Variants in EYA2 observed in about 807,000 individuals in gnomAD.
The protein encoded by EYA2 is EYA transcriptional coactivator and phosphatase 2, also known as protein phosphatase EYA2.
Under a neutral mutation model 69.2 loss-of-function variants are expected in EYA2, and 31 were observed. That is an observed-to-expected ratio of 0.45 (90% confidence interval 0.34 to 0.60). The LOEUF (loss-of-function observed/expected upper bound fraction) is 0.60. EYA2 is among the 20% of genes least tolerant of loss of function. EYA2 has a pLI of 0.02. For missense variants in EYA2, 622 were observed against 701.2 expected (o/e 0.89, Z 1.28); for synonymous variants, 257 against 279.4 (o/e 0.92, Z 0.80).
chr20:47,106,898 G>T (rs4809624), intron 9 of EYA2, among the ~76,000 whole-genome samples: 1 of 151,806 alleles, frequency 6.6e-6, no homozygotes, highest in Admixed American at 6.6e-5. Context: ...CTCACATCTC[G>T]CCCATGTTCT....
At chr20:46,999,857 A>G (rs528621114) in intron 2 of EYA2, among the ~76,000 whole-genome samples, 1 of 152,150 alleles carries the variant, frequency 6.6e-6, no homozygotes, top group Non-Finnish European at 1.5e-5. Context: ...CATCTGTACA[A>G]CGGGGTTAAT....
chr20:46,914,111 G>A (rs563219469), intron 1 of EYA2, among the ~76,000 whole-genome samples: 15 of 151,730 alleles, frequency 9.9e-5, no homozygotes, highest in African/African-American at 2.9e-4. Flanking sequence ...CCTAGGAGCC[G>A]AGACCTCTCC....
intron 5 of EYA2, among the ~76,000 whole-genome samples, chr20:47,069,374 A>G (rs1250399291): frequency 6.6e-6 from 1 of 152,180 alleles, no homozygotes; most frequent in Non-Finnish European, 1.5e-5. Flanking sequence ...GGGCACCTGT[A>G]ATCCCTTGGG....
At chr20:46,956,404 A>G (rs183760518) in intron 1 of EYA2, among the ~76,000 whole-genome samples, 2 of 152,336 alleles carry the variant, frequency 1.3e-5, no homozygotes, top group African/African-American at 2.4e-5. Context: ...GTCACAATGG[A>G]TCTCTCACCT....
chr20:46,926,645 A>G (rs1195806086), intron 1 of EYA2, among the ~76,000 whole-genome samples: 1 of 152,212 alleles, frequency 6.6e-6, no homozygotes, highest in Non-Finnish European at 1.5e-5. Context: ...CCTAGAAATA[A>G]TGTTTCATCT....
At chr20:47,062,005 T>A (rs1246859465) in intron 5 of EYA2, among the ~76,000 whole-genome samples, 3 of 152,190 alleles carry the variant, frequency 2.0e-5, no homozygotes. Flanking sequence ...ATGCCCCAGC[T>A]TGGGCTCCAT....
chr20:46,913,836 C>A (rs1372061020), intron 1 of EYA2, among the ~76,000 whole-genome samples: 1 of 152,098 alleles, frequency 6.6e-6, no homozygotes. Context: ...ATGGGAGCAC[C>A]TCGTGTGGAC....
At chr20:46,924,669 C>CAAAAAAAAAAAAAAAAAAAAAAA (rs10568771) in intron 1 of EYA2, among the ~76,000 whole-genome samples, 1 of 88,364 alleles carries the variant, frequency 1.1e-5, no homozygotes, top group Non-Finnish European at 2.1e-5. Flanking sequence ...GACTCCATCT[C>CAAAAAAAAAAAAAAAAAAAAAAA]AAAAAAAAAA....
At chr20:47,109,988 C>T (rs553698782) in intron 9 of EYA2, among the ~76,000 whole-genome samples, 6 of 152,306 alleles carry the variant, frequency 3.9e-5, no homozygotes, top group African/African-American at 1.4e-4. Context: ...ATGGCACTCT[C>T]TTCAGGGAGG....
intron 1 of EYA2, among the ~76,000 whole-genome samples, chr20:46,921,137 G>A (rs1440219710): frequency 6.6e-6 from 1 of 152,216 alleles, no homozygotes; most frequent in East Asian, 1.9e-4. Flanking sequence ...CTGGCTCTTA[G>A]TAGGGGCGCC....
chr20:47,004,736 C>T (rs1161694272), intron 3 of EYA2: 1 of 672,800 alleles, frequency 1.5e-6, no homozygotes, highest in Non-Finnish European at 2.5e-6. Context: ...AGTCACACGG[C>T]TGAATCTGAC....
intron 5 of EYA2, among the ~76,000 whole-genome samples, chr20:47,018,498 C>T (rs1297901317): frequency 1.3e-5 from 2 of 152,160 alleles, no homozygotes; most frequent in Non-Finnish European, 2.9e-5. Flanking sequence ...CATGCTGGAC[C>T]GTGAGCAGTG....
intron 1 of EYA2, among the ~76,000 whole-genome samples, chr20:46,944,170 T>C (rs1392010784): frequency 1.3e-5 from 2 of 152,266 alleles, no homozygotes; most frequent in East Asian, 3.9e-4. Flanking sequence ...GCCTGGCTGC[T>C]CCCAGGAAAG....
intron 11 of EYA2, among the ~76,000 whole-genome samples, 180 bp from the exon 12 acceptor site, chr20:47,172,527 G>A (rs2034341799): frequency 1.3e-5 from 2 of 152,212 alleles, no homozygotes; most frequent in Non-Finnish European, 2.9e-5. Flanking sequence ...TCTTGGGGAA[G>A]CTAATGAAAG....
At chr20:47,023,633 T>TG (rs1600648365) in intron 5 of EYA2, among the ~76,000 whole-genome samples, 1 of 7,616 alleles carries the variant, frequency 1.3e-4, no homozygotes, top group East Asian at 3.8e-3. Context: ...ATTTTGGGTG[T>TG]TTTTTTTTTT....
intron 1 of EYA2, among the ~76,000 whole-genome samples, chr20:46,929,955 T>C (rs754072185): frequency 5.9e-5 from 9 of 152,238 alleles, no homozygotes; most frequent in Non-Finnish European, 1.0e-4. Context: ...CCTGGAAATA[T>C]TGGGATTAGA....
intron 5 of EYA2, among the ~76,000 whole-genome samples, chr20:47,059,508 A>C (rs1199911626): frequency 6.6e-6 from 1 of 151,882 alleles, no homozygotes; most frequent in Non-Finnish European, 1.5e-5. Flanking sequence ...CCGCCACCAC[A>C]CCCAGCTGAT....
intron 9 of EYA2, among the ~76,000 whole-genome samples, chr20:47,138,220 G>T (rs773911596): frequency 7.2e-5 from 11 of 151,954 alleles, no homozygotes; most frequent in South Asian, 4.1e-4. Context: ...AGTTAGCCTT[G>T]CTTTTCTGAG....
chr20:47,072,284 A>G (rs1160147881), intron 6 of EYA2, 32 bp downstream of exon 6: 2 of 1,588,096 alleles, frequency 1.3e-6, no homozygotes, highest in East Asian at 2.3e-5. Flanking sequence ...TTCTTTCCTC[A>G]GTTCTTTCTG....
Sources: gnomAD v4.1 joint callset for allele counts (sites outside exome capture counted in the v4.1 genomes callset) on GRCh38, gnomAD v4.1.1 for gene constraint, MANE v1.5 for transcripts, NCBI Gene and HGNC (gene_info 2026-07-23, HGNC 2026-07-21) for gene names.